ITPR1: variants seen among roughly 807,000 people sequenced by gnomAD.
ITPR1 encodes the protein inositol 1,4,5-trisphosphate-gated calcium channel ITPR1.
In ITPR1, 96 loss-of-function variants were observed where a neutral mutation model predicts 318.4. The observed-to-expected ratio is 0.30, with a 90% confidence interval of 0.26 to 0.36. The LOEUF (loss-of-function observed/expected upper bound fraction) is 0.36. Ranked by LOEUF, ITPR1 falls within the 10% of genes least tolerant of loss-of-function variation. The pLI is 1.00. For missense variants in ITPR1, 2,440 were observed against 3,460.2 expected (o/e 0.71, Z 7.40); for synonymous variants, 1,312 against 1,289.9 (o/e 1.02, Z -0.37).
At chr3:4,832,902 A>T (rs567136908) in intron 60 of ITPR1, among the ~76,000 whole-genome samples, 2 of 152,282 alleles carry the variant, frequency 1.3e-5, no homozygotes, top group South Asian at 2.1e-4. Flanking sequence ...GGCCCTTGGC[A>T]TGCTGATGGG....
chr3:4,821,032 G>A (rs891521945), intron 60 of ITPR1, among the ~76,000 whole-genome samples: 4 of 152,222 alleles, frequency 2.6e-5, no homozygotes, highest in East Asian at 3.9e-4. Flanking sequence ...CCCACTGAGC[G>A]GGGGCATCCT....
rs1575179942 is a variant in ITPR1 at position 4,768,604 on chromosome 3, G to C, written c.5819G>C (p.Arg1940Thr). The C allele has an allele frequency of 1.2e-6, 2 of 1,614,050 alleles. No individual in the cohort carries two copies. Among genetic ancestry groups the C allele is most frequent in the Middle Eastern group, 1.6e-4 (1 of 6,062 alleles). The change falls in exon 46 of 62, where the codon AGG becomes ACG. Residue 1940 changes from arginine to threonine, a missense_variant. Physicochemically the swap from Arg to Thr is moderately conservative, Grantham distance 71. Coordinates refer to ENST00000649015, the MANE Select transcript of ITPR1 (RefSeq NM_001378452.1). ...AGGAAAGCCTTCACCACTTTCAGGA[G>C]GGAGGCTGATCCCGACGACCACTAC... ...ATRKAFTTFR[R>T]EADPDDHYQP...
chr3:4,525,488 G>T (rs2082905748), intron 4 of ITPR1, among the ~76,000 whole-genome samples: 2 of 151,970 alleles, frequency 1.3e-5, no homozygotes, highest in South Asian at 4.1e-4. Flanking sequence ...TGTATCTCTT[G>T]CCTCTAACTT....
chr3:4,601,454 G>A (rs1026693324), intron 4 of ITPR1, among the ~76,000 whole-genome samples: 6 of 151,354 alleles, frequency 4.0e-5, no homozygotes, highest in African/African-American at 1.5e-4. Flanking sequence ...AGGAGGTCGA[G>A]GCTGCACTGC....
chr3:4,720,284 A>G (rs1196044922), intron 40 of ITPR1, among the ~76,000 whole-genome samples: 2 of 152,204 alleles, frequency 1.3e-5, no homozygotes, highest in South Asian at 2.1e-4. Flanking sequence ...TGTGAGACAC[A>G]TTAGAAAGGA....
intron 2 of ITPR1, among the ~76,000 whole-genome samples, chr3:4,509,274 C>G: frequency 6.6e-6 from 1 of 152,208 alleles, no homozygotes; most frequent in East Asian, 1.9e-4. Flanking sequence ...TATTCTGAGT[C>G]TGTTTCCAAG....
At chr3:4,631,077 C>A (rs927112851) in intron 5 of ITPR1, among the ~76,000 whole-genome samples, 1 of 152,224 alleles carries the variant, frequency 6.6e-6, no homozygotes, top group Admixed American at 6.5e-5. Flanking sequence ...AACATGGGAA[C>A]TTCCCCTGCA....
In ITPR1 at chr3:4,814,236, C is replaced by T. The variant is rs554981006; in HGVS notation, c.7562-187C>T. 112 of 632,746 alleles carry T rather than the reference C, an allele frequency of 1.8e-4. No individual in the cohort carries two copies. The African/African-American group carries it at 1.9e-3, about 11-fold the overall frequency. 39.2% of individuals were successfully genotyped at this position (632,746 alleles called of 1,614,324 possible). ...AGCTGGAGAAATTAGCGGGGGTTAG[C>T]GATGAAAACAGTTGCCCCAGACGAC... On this transcript the variant is annotated intron_variant, in intron 57 of 61. Coordinates refer to ENST00000649015, the MANE Select transcript of ITPR1 (RefSeq NM_001378452.1).
At chr3:4,814,220 A>C (rs2049131955) in intron 57 of ITPR1, 1 of 594,652 alleles carries the variant, frequency 1.7e-6, no homozygotes, top group African/African-American at 1.9e-5. Context: ...TAGCTGGAGA[A>C]ATTAGCGGGG....
At chr3:4,671,061 T>C (rs1374679154) in intron 20 of ITPR1, 135 bp downstream of exon 20, 16 of 660,362 alleles carry the variant, frequency 2.4e-5, no homozygotes, top group Non-Finnish European at 3.9e-5. Context: ...AAAAGCCAGA[T>C]GTGTGTTTTA....
chr3:4,697,929 A>G (rs1162566152), intron 34 of ITPR1, among the ~76,000 whole-genome samples: 4 of 152,174 alleles, frequency 2.6e-5, no homozygotes, highest in Admixed American at 2.6e-4. Context: ...CTGTGCTTGA[A>G]GGGCACTTCC....
chr3:4,649,622 C>T (rs551345715), intron 10 of ITPR1, among the ~76,000 whole-genome samples: 1 of 152,314 alleles, frequency 6.6e-6, no homozygotes, highest in South Asian at 2.1e-4. Flanking sequence ...TATGGTCCTT[C>T]ATATCTGACT....
intron 4 of ITPR1, among the ~76,000 whole-genome samples, chr3:4,603,713 G>A (rs749168391): frequency 5.3e-5 from 8 of 152,130 alleles, no homozygotes; most frequent in Non-Finnish European, 7.4e-5. Flanking sequence ...CAGGTGTGAT[G>A]TACCACATTT....
At chr3:4,773,806 C>G (rs2046328462) in intron 46 of ITPR1, among the ~76,000 whole-genome samples, 1 of 152,192 alleles carries the variant, frequency 6.6e-6, no homozygotes, top group Admixed American at 6.5e-5. Flanking sequence ...CACACAGTCC[C>G]AAATCATCTG....
At position 4,762,184 on chromosome 3, in the gene ITPR1, A is replaced by G. The variant is rs185297507; in HGVS notation, c.5545-4346A>G. On this transcript the variant is annotated intron_variant, in intron 44 of 61. Transcript: ENST00000649015. ...GTACCTTTTTAATTTTTTTTATTTC[A>G]TTGAGACAGAAGTCTCACTATGTTG... Among the ~76,000 whole-genome samples, 817 of 152,160 alleles carry G rather than the reference A, an allele frequency of 5.4e-3. 2 individuals carry two copies. Among genetic ancestry groups the G allele is most frequent in the Non-Finnish European group, 9.0e-3 (614 of 67,986 alleles).
At chr3:4,525,180 A>G (rs1490050753) in intron 4 of ITPR1, among the ~76,000 whole-genome samples, 2 of 152,180 alleles carry the variant, frequency 1.3e-5, no homozygotes, top group African/African-American at 4.8e-5. Context: ...CAAGCTGAGT[A>G]ACCTTGATAG....
chr3:4,711,889 G>T, intron 39 of ITPR1, 21 bp downstream of exon 39: 1 of 1,279,100 alleles, frequency 7.8e-7, no homozygotes, highest in Non-Finnish European at 1.1e-6. Context: ...TTATTTTCAT[G>T]GTCAAACCAG....
At position 4,846,237 on chromosome 3, in the gene ITPR1, AAAGG is replaced by A; in HGVS notation, c.*15_*18del. ...AACAACCAGCATAAGCAAATGAAAGAAAGGAATTGTATTTACCTTTTATAATTAT... is the reference window on the plus strand; with the variant it reads ...AACAACCAGCATAAGCAAATGAAAGAAATTGTATTTACCTTTTATAATTAT... On this transcript the variant is annotated 3_prime_UTR_variant, in exon 62 of 62. Transcript: ENST00000649015. 1 of 1,521,490 alleles carries A rather than the reference AAAGG, an allele frequency of 6.6e-7. No homozygotes were observed. Among genetic ancestry groups the A allele is most frequent in the Admixed American group, 2.0e-5 (1 of 51,232 alleles). The allele number at this position is 1,521,490 out of a possible 1,614,324, so 94.2% of individuals were successfully genotyped here.
At chr3:4,549,322 G>A (rs945581382) in intron 4 of ITPR1, among the ~76,000 whole-genome samples, 13 of 152,232 alleles carry the variant, frequency 8.5e-5, no homozygotes, top group African/African-American at 3.1e-4. Flanking sequence ...TAACCAGGGC[G>A]GTTTAAGCAG....
Sources: gnomAD v4.1 joint callset for allele counts (sites outside exome capture counted in the v4.1 genomes callset) on GRCh38, gnomAD v4.1.1 for gene constraint, MANE v1.5 for transcripts, NCBI Gene and HGNC (gene_info 2026-07-23, HGNC 2026-07-21) for gene names.